Variants in C11orf24 observed in about 807,000 individuals in gnomAD.
C11orf24 encodes uncharacterized protein C11orf24.
In C11orf24, 5 loss-of-function variants were observed where a neutral mutation model predicts 7.3. The ratio of observed to expected loss-of-function variants is 0.69; its 90% confidence interval spans 0.36 to 1.45. The LOEUF is 1.45. Ranked by LOEUF, C11orf24 falls within the 40% of genes most tolerant of loss-of-function variation. The pLI is 0.03. For synonymous variants in C11orf24, 233 were observed against 235.7 expected (o/e 0.99, Z 0.11); for missense variants, 566 against 590.5 (o/e 0.96, Z 0.43).
Position 68,261,640 on chromosome 11 carries a change from C to A in C11orf24, c.*5G>T. On this transcript the variant is annotated 3_prime_UTR_variant, in exon 4 of 4. Coordinates refer to ENST00000304271, the MANE Select transcript of C11orf24 (RefSeq NM_022338.4). ...GCCAGGCCTCCCGCCAGGCCCCCGC[C>A]CCCCTCACATTTCTGAGTCCGCATA... 1 of 1,596,594 alleles carries A rather than the reference C, an allele frequency of 6.3e-7. No individual in the cohort carries two copies. The highest frequency in any genetic ancestry group is 8.6e-7 in the Non-Finnish European group (1 of 1,166,132).
At chr11:68,266,452 T>C (rs997193374) in intron 2 of C11orf24, among the ~76,000 whole-genome samples, 5 of 152,248 alleles carry the variant, frequency 3.3e-5, no homozygotes, top group Non-Finnish European at 5.9e-5. Flanking sequence ...TTCCGGTCTC[T>C]TTCCAAGAGT....
chr11:68,261,548 A>G lies in C11orf24; in HGVS notation c.*97T>C. 9.1e-7 allele frequency: 1 copy of G among 1,100,876 alleles called. No individual in the cohort carries two copies. Among genetic ancestry groups the G allele is most frequent in the Non-Finnish European group, 1.3e-6 (1 of 762,980 alleles). 68.2% of individuals were successfully genotyped at this position (1,100,876 alleles called of 1,614,324 possible). A position where few individuals can be genotyped will look rare whatever the true frequency, so the allele number is the denominator to read the frequency against. On this transcript the variant is annotated 3_prime_UTR_variant, in exon 4 of 4. Coordinates refer to ENST00000304271, the MANE Select transcript of C11orf24 (RefSeq NM_022338.4). The stretch of plus-strand genomic sequence containing the variant: ...TTTAAGCATCTGGCATATCTCCTCA[A>G]TTGCACCAAAAGAATTTGGAAGCAC...
chr11:68,261,643 C>G lies in C11orf24; in HGVS notation c.*2G>C. The G allele has an allele frequency of 5.6e-6, 9 of 1,597,526 alleles. No individual in the cohort carries two copies. Among genetic ancestry groups the G allele is most frequent in the Non-Finnish European group, 7.7e-6 (9 of 1,166,544 alleles). ...AGGCCTCCCGCCAGGCCCCCGCCCC[C>G]CTCACATTTCTGAGTCCGCATACAT... On this transcript the variant is annotated 3_prime_UTR_variant, in exon 4 of 4. Transcript: ENST00000304271.
intron 3 of C11orf24, 59 bp downstream of exon 3, chr11:68,263,633 T>C: frequency 2.7e-6 from 4 of 1,507,212 alleles, no homozygotes; most frequent in Non-Finnish European, 3.7e-6. Flanking sequence ...TTTCAAGGGC[T>C]CAGCATGCTT....
intron 1 of C11orf24, among the ~76,000 whole-genome samples, chr11:68,270,923 T>C (rs562810865): frequency 1.3e-5 from 2 of 152,198 alleles, no homozygotes; most frequent in African/African-American, 4.8e-5. Flanking sequence ...CCAAAGGATG[T>C]GACTCTGTGG....
rs1189134358 is a variant in C11orf24, at chr11:68,262,877, T to C, written c.118A>G (p.Arg40Gly). 8.7e-6 allele frequency: 14 copies of C among 1,613,946 alleles called. No individual in the cohort carries two copies. Among genetic ancestry groups the C allele is most frequent in the Non-Finnish European group, 1.2e-5 (14 of 1,180,042 alleles). ...PNKMWKGLVK[R>G]NASVETVDNK... is the part of the protein sequence containing the mutation. ...TCAACTGTTTCCACAGATGCATTCC[T>C]CTTGACTAATCCCTTCCACATTTTG... Residue 40 changes from arginine to glycine, a missense_variant, in exon 4 of 4, where the codon AGG (arginine) becomes GGG (glycine). Physicochemically the swap from Arg to Gly is moderately radical, Grantham distance 125 (BLOSUM62 -2). Transcript: ENST00000304271.
At chr11:68,265,782 C>T (rs1285482657) in intron 2 of C11orf24, among the ~76,000 whole-genome samples, 2 of 152,118 alleles carry the variant, frequency 1.3e-5, no homozygotes, top group Non-Finnish European at 2.9e-5. Context: ...CTATTGTGCC[C>T]GGCCCTTAAT....
intron 2 of C11orf24, 23 bp from the exon 3 acceptor site, chr11:68,263,889 G>A (rs1391920510): frequency 1.3e-6 from 1 of 743,334 alleles, no homozygotes; most frequent in Non-Finnish European, 2.2e-6. Context: ...AAGCACGCTG[G>A]TCAGAAGGCG....
chr11:68,264,195 A>C (rs2098563382), intron 2 of C11orf24, among the ~76,000 whole-genome samples: 2 of 152,062 alleles, frequency 1.3e-5, no homozygotes, highest in Non-Finnish European at 2.9e-5. Context: ...CCTTCTCATC[A>C]CCAAGACTGG....
intron 1 of C11orf24, among the ~76,000 whole-genome samples, chr11:68,269,646 A>G (rs982076479): frequency 1.3e-5 from 2 of 152,228 alleles, no homozygotes; most frequent in African/African-American, 4.8e-5. Context: ...AGGCACACAC[A>G]TACACATGCA....
rs200693405 is a variant in C11orf24 at position 68,262,538 on chromosome 11, T to G, written c.457A>C (p.Ser153Arg). 9 of 1,611,008 alleles carry G rather than the reference T, an allele frequency of 5.6e-6. No homozygotes were observed. The Admixed American group carries it at 1.5e-4, about 27-fold the overall frequency. Residue 153 changes from serine to arginine, a missense_variant, in exon 4 of 4, where the codon AGT (serine) becomes CGT (arginine). Ser to Arg is a moderately radical substitution (Grantham distance 110, BLOSUM62 -1). Coordinates refer to ENST00000304271, the MANE Select transcript of C11orf24 (RefSeq NM_022338.4). ...ASIAPTTAAS[S>R]MTAASSTPMT... ...GGAGTGCTGGAGGCCGCAGTCATAC[T>G]GGAGGCTGCAGTCGTGGGAGCAATG...
rs139321264 is a variant in C11orf24 at position 68,263,289 on chromosome 11, A to G, written c.77-371T>C. 1,964 of 406,780 alleles carry G rather than the reference A, an allele frequency of 4.8e-3. 12 individuals are homozygous for G. The highest frequency in any genetic ancestry group is 0.02 in the Middle Eastern group (30 of 1,478). The allele number at this position is 406,780 out of a possible 1,614,324, so 25.2% of individuals were successfully genotyped here. On this transcript the variant is annotated intron_variant, in intron 3 of 3. Coordinates refer to ENST00000304271, the MANE Select transcript of C11orf24 (RefSeq NM_022338.4). ...GCACACCCAGGTTTACAAAGCAGAT[A>G]AACTGCACAGGTATTCACATCATAA...
chr11:68,267,845 A>G (rs897370768), intron 2 of C11orf24: 1 of 152,244 alleles, frequency 6.6e-6, no homozygotes, highest in South Asian at 2.1e-4. Context: ...AGAACCAGAC[A>G]TTGTCTCAAA....
intron 1 of C11orf24, among the ~76,000 whole-genome samples, chr11:68,271,285 A>G (rs550917015): frequency 4.6e-5 from 7 of 152,306 alleles, no homozygotes; most frequent in Admixed American, 1.3e-4. Context: ...TTAAGTCAAC[A>G]TGCTAAGCAG....
chr11:68,263,681 T>C lies in C11orf24; in HGVS notation c.76+11A>G. 2 of 1,612,842 alleles carry C rather than the reference T, an allele frequency of 1.2e-6. No individual in the cohort carries two copies. The highest frequency in any genetic ancestry group is 1.7e-6 in the Non-Finnish European group (2 of 1,179,442). The stretch of plus-strand genomic sequence containing the variant: ...GGGCCCATCCAGCAGTCACACAGCT[T>C]TCTCACTTACGTGGATCGTTGGATG... On this transcript the variant is annotated intron_variant, in intron 3 of 3. Coordinates refer to ENST00000304271, the MANE Select transcript of C11orf24 (RefSeq NM_022338.4).
intron 1 of C11orf24, among the ~76,000 whole-genome samples, chr11:68,270,177 G>C (rs774019349): frequency 6.6e-5 from 10 of 152,290 alleles, no homozygotes; most frequent in Middle Eastern, 6.8e-3. Flanking sequence ...TTTGTATTAA[G>C]TTGGAGACCA....
chr11:68,266,788 G>GA (rs1176055735), intron 2 of C11orf24, among the ~76,000 whole-genome samples: 10 of 151,892 alleles, frequency 6.6e-5, no homozygotes, highest in Admixed American at 5.9e-4. Flanking sequence ...AACATCTACC[G>GA]AATGTTTTTA....
intron 2 of C11orf24, among the ~76,000 whole-genome samples, chr11:68,266,277 C>T (rs1466217095): frequency 1.3e-5 from 2 of 152,180 alleles, no homozygotes; most frequent in East Asian, 1.9e-4. Flanking sequence ...GCAGCCCACC[C>T]GAGAAGCACT....
intron 1 of C11orf24, 115 bp from the exon 2 acceptor site, chr11:68,268,366 C>G (rs1167442963): frequency 1.3e-5 from 2 of 152,232 alleles, no homozygotes; most frequent in Non-Finnish European, 2.9e-5. Context: ...ACTGGGAAAA[C>G]GACAACATGG....
Sources: allele counts gnomAD v4.1 joint callset (sites outside exome capture counted in the v4.1 genomes callset), GRCh38; gene constraint gnomAD v4.1.1; transcripts MANE v1.5; gene names NCBI Gene and HGNC (gene_info 2026-07-23, HGNC 2026-07-21).